Variants in AGBL4 observed in about 807,000 individuals in gnomAD.
The protein encoded by AGBL4 is cytosolic carboxypeptidase 6.
Under a neutral mutation model 66.4 loss-of-function variants are expected in AGBL4, and 58 were observed. The ratio of observed to expected loss-of-function variants is 0.87; its 90% CI spans 0.71 to 1.09. AGBL4 has a LOEUF of 1.09. Among genes scored for constraint, AGBL4 ranks in the 50% least tolerant of loss-of-function variants. AGBL4 has a pLI of 0.00. For synonymous variants in AGBL4, 234 were observed against 222.9 expected (o/e 1.05, Z -0.44); for missense variants, 579 against 631.0 (o/e 0.92, Z 0.88).
At chr1:49,730,780 A>C (rs1268756717) in intron 2 of AGBL4, among the ~76,000 whole-genome samples, 2 of 152,244 alleles carry the variant, frequency 1.3e-5, no homozygotes, top group African/African-American at 4.8e-5. Flanking sequence ...GGTAGGCTCC[A>C]GCAAAGCCCA....
At chr1:49,593,071 C>T (rs1325317793) in intron 3 of AGBL4, among the ~76,000 whole-genome samples, 1 of 152,082 alleles carries the variant, frequency 6.6e-6, no homozygotes, top group Non-Finnish European at 1.5e-5. Flanking sequence ...CGTAAAATCA[C>T]TTTTGTACAA....
intron 3 of AGBL4, among the ~76,000 whole-genome samples, chr1:49,583,671 T>C (rs544024818): frequency 6.6e-6 from 1 of 152,072 alleles, no homozygotes; most frequent in African/African-American, 2.4e-5. Context: ...TGTTCTGTCA[T>C]ATGGAAAACA....
At chr1:49,455,638 T>C (rs1646371527) in intron 3 of AGBL4, among the ~76,000 whole-genome samples, 1 of 151,718 alleles carries the variant, frequency 6.6e-6, no homozygotes, top group African/African-American at 2.4e-5. Context: ...GTCCCACTTA[T>C]AGTGCATTAT....
At chr1:48,889,874 G>A (rs1650756284) in intron 5 of AGBL4, among the ~76,000 whole-genome samples, 1 of 152,120 alleles carries the variant, frequency 6.6e-6, no homozygotes, top group Non-Finnish European at 1.5e-5. Flanking sequence ...AATTTCCTCC[G>A]AGTTTGGGAC....
intron 5 of AGBL4, among the ~76,000 whole-genome samples, chr1:48,990,480 G>C (rs1189007238): frequency 2.0e-5 from 3 of 152,066 alleles, no homozygotes; most frequent in South Asian, 2.1e-4. Flanking sequence ...GTCCTGGAGA[G>C]GTTCCCCAAT....
intron 3 of AGBL4, among the ~76,000 whole-genome samples, chr1:49,476,243 G>A (rs545182221): frequency 1.3e-5 from 2 of 151,928 alleles, no homozygotes; most frequent in African/African-American, 4.8e-5. Context: ...GATCTTCTTG[G>A]TACTGATTTC....
chr1:49,639,858 CA>C (rs1375309661), intron 3 of AGBL4, among the ~76,000 whole-genome samples: 1 of 152,094 alleles, frequency 6.6e-6, no homozygotes, highest in African/African-American at 2.4e-5. Context: ...AAAAAATAAA[CA>C]GAATGAAGGC....
chr1:48,892,715 G>A (rs1189329813), intron 5 of AGBL4, among the ~76,000 whole-genome samples: 1 of 152,180 alleles, frequency 6.6e-6, no homozygotes, highest in Non-Finnish European at 1.5e-5. Flanking sequence ...TGAGCAGAGG[G>A]ATGACTTTGA....
chr1:48,774,415 A>C (rs1644978434), intron 6 of AGBL4, among the ~76,000 whole-genome samples: 1 of 152,174 alleles, frequency 6.6e-6, no homozygotes, highest in African/African-American at 2.4e-5. Context: ...TATGCAGGGC[A>C]GTGGGTACCC....
chr1:49,706,161 G>A (rs1476794099), intron 2 of AGBL4, among the ~76,000 whole-genome samples: 4 of 152,174 alleles, frequency 2.6e-5, no homozygotes, highest in Admixed American at 2.6e-4. Context: ...GAATTCGGCT[G>A]TGAATCTGTC....
intron 6 of AGBL4, among the ~76,000 whole-genome samples, chr1:48,750,183 G>C (rs760570672): frequency 1.3e-5 from 2 of 152,164 alleles, no homozygotes; most frequent in Non-Finnish European, 2.9e-5. Flanking sequence ...GCCTGACTCA[G>C]AGGAAAATAG....
At chr1:49,139,453 G>A (rs1359783496) in intron 4 of AGBL4, among the ~76,000 whole-genome samples, 2 of 152,056 alleles carry the variant, frequency 1.3e-5, no homozygotes, top group African/African-American at 2.4e-5. Flanking sequence ...CTATAACTTA[G>A]TCAAAGTTCC....
intron 4 of AGBL4, among the ~76,000 whole-genome samples, chr1:49,232,691 T>C (rs1650416513): frequency 6.7e-6 from 1 of 150,308 alleles, no homozygotes; most frequent in Non-Finnish European, 1.5e-5. Flanking sequence ...AGAGCGAGAC[T>C]CTGTCTCAAA....
chr1:49,650,119 T>C (rs995632986), intron 3 of AGBL4, among the ~76,000 whole-genome samples: 2 of 152,252 alleles, frequency 1.3e-5, no homozygotes, highest in Non-Finnish European at 2.9e-5. Context: ...TTCCTTGTTC[T>C]TTTTTTCCCC....
At chr1:49,618,627 A>C (rs1645296858) in intron 3 of AGBL4, among the ~76,000 whole-genome samples, 7 of 152,226 alleles carry the variant, frequency 4.6e-5, no homozygotes, top group Admixed American at 4.6e-4. Flanking sequence ...TGAGGCCAGC[A>C]TCATCCTGAT....
intron 3 of AGBL4, among the ~76,000 whole-genome samples, chr1:49,355,020 T>C (rs1227632546): frequency 6.6e-6 from 1 of 152,090 alleles, no homozygotes; most frequent in Non-Finnish European, 1.5e-5. Flanking sequence ...ATTAACCTTA[T>C]GTGCACATCT....
At chr1:49,623,867 G>C (rs1468291462) in intron 3 of AGBL4, among the ~76,000 whole-genome samples, 1 of 152,170 alleles carries the variant, frequency 6.6e-6, no homozygotes, top group African/African-American at 2.4e-5. Flanking sequence ...CATGAGATAG[G>C]CTTAATGATA....
intron 2 of AGBL4, among the ~76,000 whole-genome samples, chr1:49,843,608 GGTCCA>G (rs1455619037): frequency 2.6e-5 from 4 of 152,140 alleles, no homozygotes; most frequent in African/African-American, 7.2e-5. Context: ...TGATTACACA[GGTCCA>G]CTCAGATAAT....
intron 9 of AGBL4, among the ~76,000 whole-genome samples, 154 bp from the exon 10 acceptor site, chr1:48,591,139 G>C (rs916393512): frequency 1.6e-5 from 2 of 127,766 alleles, no homozygotes; most frequent in Non-Finnish European, 3.1e-5. Context: ...TGTGTCAGCA[G>C]ATTTAGCAGC....
Sources: allele counts gnomAD v4.1 joint callset (sites outside exome capture counted in the v4.1 genomes callset), GRCh38; gene constraint gnomAD v4.1.1; transcripts MANE v1.5; gene names NCBI Gene and HGNC (gene_info 2026-07-23, HGNC 2026-07-21).